Variants in SAMD5 observed in about 807,000 individuals in gnomAD.
The protein encoded by SAMD5 is sterile alpha motif domain-containing protein 5.
Under a neutral mutation model 11.3 loss-of-function variants are expected in SAMD5, and 13 were observed. The observed-to-expected ratio is 1.15, with a 90% CI of 0.75 to 1.83. SAMD5 has a LOEUF of 1.83. Among genes scored for constraint, SAMD5 ranks in the 40% most tolerant of loss-of-function variants. The probability of loss-of-function intolerance (pLI) is 0.00; values close to 1 mark genes in which losing one functional copy is unlikely to be tolerated. For synonymous variants in SAMD5, 129 were observed against 111.3 expected (o/e 1.16, Z -1.00); for missense variants, 255 against 239.1 (o/e 1.07, Z -0.44).
chr6:147,794,713 A>G, the SAMD5 span, among the ~76,000 whole-genome samples: 1 of 152,180 alleles, frequency 6.6e-6, no homozygotes, highest in African/African-American at 2.4e-5. Flanking sequence ...AAGCATGAAA[A>G]CTGAATGCCC....
the SAMD5 span, among the ~76,000 whole-genome samples, chr6:147,908,446 T>G: frequency 1.3e-5 from 2 of 152,142 alleles, no homozygotes; most frequent in Non-Finnish European, 2.9e-5. Flanking sequence ...TTCTTTTTAT[T>G]GCCTTCTCTT....
the SAMD5 span, among the ~76,000 whole-genome samples, chr6:147,891,834 A>G: frequency 6.6e-6 from 1 of 151,712 alleles, no homozygotes; most frequent in Non-Finnish European, 1.5e-5. Flanking sequence ...GGTCCATGGT[A>G]TGAACCTGTG....
chr6:147,823,195 A>G, the SAMD5 span, among the ~76,000 whole-genome samples: 1 of 152,094 alleles, frequency 6.6e-6, no homozygotes, highest in South Asian at 2.1e-4. Context: ...TTTTGATTTG[A>G]TGGAAATAAT....
the SAMD5 span, among the ~76,000 whole-genome samples, chr6:147,793,231 C>T: frequency 6.6e-6 from 1 of 152,054 alleles, no homozygotes; most frequent in African/African-American, 2.4e-5. Context: ...GGCGCCTTAT[C>T]CCCCCCAAAT....
At chr6:147,770,696 C>T in the SAMD5 span, among the ~76,000 whole-genome samples, 2 of 152,088 alleles carry the variant, frequency 1.3e-5, no homozygotes, top group Non-Finnish European at 2.9e-5. Flanking sequence ...AATATTGATT[C>T]TAAGATGATT....
At chr6:147,877,307 C>T in the SAMD5 span, among the ~76,000 whole-genome samples, 1 of 151,914 alleles carries the variant, frequency 6.6e-6, no homozygotes, top group African/African-American at 2.4e-5. Flanking sequence ...AAATGAAATC[C>T]TGTAATCAAA....
At chr6:147,593,931 C>G (rs978819785) in intron 1 of SAMD5, among the ~76,000 whole-genome samples, 1 of 152,128 alleles carries the variant, frequency 6.6e-6, no homozygotes, top group Non-Finnish European at 1.5e-5. Flanking sequence ...AGTTTGAGAC[C>G]AGCCTGGCCA....
the SAMD5 span, among the ~76,000 whole-genome samples, chr6:147,909,632 C>CCTTCCT: frequency 9.8e-5 from 6 of 61,144 alleles, no homozygotes; most frequent in African/African-American, 5.7e-4. Context: ...TTCTTTCTTT[C>CCTTCCT]TCTTTCTTGT....
chr6:147,933,673 T>C, the SAMD5 span, among the ~76,000 whole-genome samples: 1 of 152,164 alleles, frequency 6.6e-6, no homozygotes, highest in Non-Finnish European at 1.5e-5. Context: ...CAAAATATCC[T>C]AGAGTAATGC....
intron 1 of SAMD5, among the ~76,000 whole-genome samples, chr6:147,735,970 G>A (rs1437401396): frequency 6.6e-6 from 1 of 152,008 alleles, no homozygotes; most frequent in Non-Finnish European, 1.5e-5. Flanking sequence ...TTTCTCATCT[G>A]TAAAATGTGA....
intron 1 of SAMD5, among the ~76,000 whole-genome samples, chr6:147,514,524 C>G (rs1297170627): frequency 6.6e-6 from 1 of 151,924 alleles, no homozygotes; most frequent in Non-Finnish European, 1.5e-5. Context: ...GCTCACCATT[C>G]ACATATTCGT....
chr6:147,757,064 A>C, the SAMD5 span, among the ~76,000 whole-genome samples: 1 of 152,210 alleles, frequency 6.6e-6, no homozygotes, highest in East Asian at 1.9e-4. Context: ...ATGACAGTTG[A>C]CTGGCTGAAC....
At chr6:147,552,796 A>G (rs887159383) in intron 1 of SAMD5, among the ~76,000 whole-genome samples, 2 of 152,196 alleles carry the variant, frequency 1.3e-5, no homozygotes, top group African/African-American at 2.4e-5. Context: ...CAAGCTGAGA[A>G]CTACTATGGT....
the SAMD5 span, among the ~76,000 whole-genome samples, chr6:147,828,885 A>C: frequency 6.6e-6 from 1 of 152,180 alleles, no homozygotes; most frequent in East Asian, 1.9e-4. Context: ...GAAGACACAA[A>C]GGTACCATAA....
chr6:147,862,872 T>G, the SAMD5 span, among the ~76,000 whole-genome samples: 4 of 152,140 alleles, frequency 2.6e-5, no homozygotes, highest in Non-Finnish European at 4.4e-5. Flanking sequence ...TTTTTTTTTG[T>G]GGTCAGATTT....
At chr6:147,860,933 C>G in the SAMD5 span, among the ~76,000 whole-genome samples, 1 of 152,070 alleles carries the variant, frequency 6.6e-6, no homozygotes. Flanking sequence ...GAAGAGATAA[C>G]AGGAATACGT....
At chr6:147,925,170 AG>A in the SAMD5 span, among the ~76,000 whole-genome samples, 1 of 152,182 alleles carries the variant, frequency 6.6e-6, no homozygotes, top group Non-Finnish European at 1.5e-5. Context: ...TTAGGTCACG[AG>A]GGTGGAGCCC....
At chr6:147,611,639 T>G (rs1279800900) in intron 1 of SAMD5, among the ~76,000 whole-genome samples, 1 of 151,544 alleles carries the variant, frequency 6.6e-6, no homozygotes, top group Non-Finnish European at 1.5e-5. Context: ...GCAGTGGGGG[T>G]TTTCATAATG....
intron 1 of SAMD5, among the ~76,000 whole-genome samples, chr6:147,562,570 C>T (rs1562321237): frequency 6.6e-6 from 1 of 152,210 alleles, no homozygotes. Context: ...CGCCTGTAAT[C>T]CCAGCACTTT....
Sources: allele counts gnomAD v4.1 joint callset (sites outside exome capture counted in the v4.1 genomes callset), GRCh38; gene constraint gnomAD v4.1.1; transcripts MANE v1.5; gene names NCBI Gene and HGNC (gene_info 2026-07-23, HGNC 2026-07-21).